The following BCL2L11 variants were observed in gnomAD, a reference collection of about 807,000 sequenced individuals.
The protein encoded by BCL2L11 is bcl-2-like protein 11.
Under a neutral mutation model 20.6 loss-of-function variants are expected in BCL2L11, and 15 were observed. The observed-to-expected ratio is 0.73, with a 90% CI of 0.49 to 1.12. The LOEUF is 1.12. BCL2L11 is among the 50% of genes most tolerant of loss of function. BCL2L11 has a pLI of 0.00. For missense variants in BCL2L11, 292 were observed against 260.9 expected, an observed-to-expected ratio of 1.12 and a Z score of -0.82; for synonymous variants, 108 against 92.8, an observed-to-expected ratio of 1.16 and a Z score of -0.94.
chr2:111,125,459 G>A (rs2072371314), intron 2 of BCL2L11, among the ~76,000 whole-genome samples: 1 of 152,204 alleles, frequency 6.6e-6, no homozygotes, highest in South Asian at 2.1e-4. Context: ...AGTTGGTAGA[G>A]TTATCAATTA....
intron 1 of BCL2L11, chr2:111,123,327 C>T (rs1374918459): frequency 1.5e-5 from 15 of 985,390 alleles, no homozygotes; most frequent in Non-Finnish European, 1.8e-5. Flanking sequence ...CGCCTGCAAT[C>T]GCTGCATCTG....
chr2:111,167,900 A>T lies in BCL2L11; in HGVS notation c.*3669A>T, dbSNP rs1263507275. 1 of 152,612 alleles carries T rather than the reference A, an allele frequency of 6.6e-6. No homozygotes were observed. The highest frequency in any genetic ancestry group is 1.5e-5 in the Non-Finnish European group (1 of 68,064). The allele number at this position is 152,612 out of a possible 1,614,324, so 9.5% of individuals were successfully genotyped here. On this transcript the variant is annotated 3_prime_UTR_variant, in exon 4 of 4. Transcript: ENST00000393256. ...GGGCCCCACTGGACTGGGTGTCAAG[A>T]TGTGAAAGCTTATGGGAGCTTTAAG...
In BCL2L11 at chr2:111,166,597, C is replaced by T. The variant is rs1198605526; in HGVS notation, c.*2366C>T. ...TTTTTGTAGAAAAAATAATTAAATC[C>T]CCTTTTTGGAAACTTACTGCAGGTT... On this transcript the variant is annotated 3_prime_UTR_variant, in exon 4 of 4. Coordinates refer to ENST00000393256, the MANE Select transcript of BCL2L11 (RefSeq NM_138621.5). 2 of 152,516 alleles carry T rather than the reference C, an allele frequency of 1.3e-5. No homozygotes were observed. Among genetic ancestry groups the T allele is most frequent in the Admixed American group, 1.3e-4 (2 of 15,278 alleles). The allele number at this position is 152,516 out of a possible 1,614,324, so 9.4% of individuals were successfully genotyped here.
chr2:111,136,218 T>A (rs945968026), intron 2 of BCL2L11, among the ~76,000 whole-genome samples: 2 of 152,188 alleles, frequency 1.3e-5, no homozygotes, highest in African/African-American at 4.8e-5. Flanking sequence ...TATCTACGCC[T>A]CTTGGAAAGG....
At chr2:111,141,700 G>GT (rs113902453) in intron 2 of BCL2L11, among the ~76,000 whole-genome samples, 198 of 138,278 alleles carry the variant, frequency 1.4e-3, no homozygotes, top group South Asian at 3.9e-3. Context: ...ATTCTTGTGA[G>GT]TTTTTTTTTT....
chr2:111,122,659 T>C (rs1403235839), intron 1 of BCL2L11: 1 of 983,098 alleles, frequency 1.0e-6, no homozygotes, highest in Non-Finnish European at 1.2e-6. Context: ...CGGAGGATGT[T>C]CCCGGCGGCT....
At chr2:111,157,556 G>T (rs1175627495) in intron 3 of BCL2L11, among the ~76,000 whole-genome samples, 2 of 152,102 alleles carry the variant, frequency 1.3e-5, no homozygotes, top group African/African-American at 4.8e-5. Flanking sequence ...GAACAGTGAC[G>T]ATTTCAGAAG....
In BCL2L11 at chr2:111,132,437, A is replaced by C. The variant is rs999396297; in HGVS notation, c.394+8298A>C. ...CTCAAAAATAATGGTTAGGGCTAGA[A>C]TCTGTTAACAGGTATTGTAGTTTTC... is the stretch of plus-strand genomic sequence containing the variant. On this transcript the variant is annotated intron_variant, in intron 2 of 3. Transcript: ENST00000393256. Among the ~76,000 whole-genome samples, 96 of 152,202 alleles carry C rather than the reference A, an allele frequency of 6.3e-4. 9 individuals are homozygous for C. Among genetic ancestry groups the C allele is most frequent in the Non-Finnish European group, 2.9e-5 (2 of 68,024 alleles).
In BCL2L11 at chr2:111,123,845, A is replaced by C. The variant is rs151214891; in HGVS notation, c.100A>C (p.Thr34Pro). Residue 34 changes from threonine (T) to proline (P), a missense_variant, in exon 2 of 4, where the codon ACC (threonine) becomes CCC (proline). Thr to Pro is a conservative substitution (Grantham distance 38, BLOSUM62 -1). Coordinates refer to ENST00000393256, the MANE Select transcript of BCL2L11 (RefSeq NM_138621.5). The stretch of plus-strand genomic sequence containing the variant: ...TCCCCAGCTCAGACCTGGGGCCCCT[A>C]CCTCCCTACAGACAGAGCCACAAGG... ...RPPQLRPGAP[T>P]SLQTEPQGNP... 3.2e-6 allele frequency: 5 copies of C among 1,568,040 alleles called. No individual in the cohort carries two copies. Among genetic ancestry groups the C allele is most frequent in the African/African-American group, 1.4e-5 (1 of 73,094 alleles).
chr2:111,123,710 C>A, intron 1 of BCL2L11, 23 bp from the exon 2 acceptor site: 1 of 1,384,760 alleles, frequency 7.2e-7, no homozygotes, highest in South Asian at 2.1e-5. Flanking sequence ...TTAAAATAAT[C>A]TTAGTTTTTA....
intron 2 of BCL2L11, among the ~76,000 whole-genome samples, chr2:111,140,715 A>G (rs1390744628): frequency 6.6e-6 from 1 of 152,226 alleles, no homozygotes. Context: ...CAATGTTAGT[A>G]TATATGTGAG....
Position 111,164,756 on chromosome 2 carries a change from C to T in BCL2L11, c.*525C>T, listed in dbSNP as rs1227615574. The T allele has an allele frequency of 6.5e-6, 1 of 152,926 alleles. No individual in the cohort carries two copies. The highest frequency in any genetic ancestry group is 1.5e-5 in the Non-Finnish European group (1 of 68,310). The allele number at this position is 152,926 out of a possible 1,614,324, so 9.5% of individuals were successfully genotyped here. ...AAACAGGGAGACGTGTGATATACTC[C>T]CTCCCTTCCCTACTATTGCCTCTCT... On this transcript the variant is annotated 3_prime_UTR_variant, in exon 4 of 4. Coordinates refer to ENST00000393256, the MANE Select transcript of BCL2L11 (RefSeq NM_138621.5).
intron 3 of BCL2L11, 33 bp downstream of exon 3, chr2:111,150,180 C>T: frequency 6.2e-7 from 1 of 1,606,798 alleles, no homozygotes; most frequent in South Asian, 1.1e-5. Flanking sequence ...CTTTTCTGCT[C>T]ACACCCTCCC....
chr2:111,134,419 G>C (rs1050427513), intron 2 of BCL2L11, among the ~76,000 whole-genome samples: 2 of 152,074 alleles, frequency 1.3e-5, no homozygotes, highest in Non-Finnish European at 1.5e-5. Flanking sequence ...TTTATGATGG[G>C]AGCTGAAGAG....
rs528923689 is a variant in BCL2L11 at position 111,142,087 on chromosome 2, A to G, written c.395-7957A>G. Among the ~76,000 whole-genome samples the G allele has an allele frequency of 5.3e-5, 8 of 152,284 alleles. No individual in the cohort carries two copies. The South Asian group carries it at 1.7e-3, about 32-fold the overall frequency. ...TGGGCAGCAGCCGTGTCTGCCCTGG[A>G]AAGTGGGGGCATCAGGGAGGAGGAG... On this transcript the variant is annotated intron_variant, in intron 2 of 3. Coordinates refer to ENST00000393256, the MANE Select transcript of BCL2L11 (RefSeq NM_138621.5).
At chr2:111,122,669 T>C in intron 1 of BCL2L11, 1 of 983,302 alleles carries the variant, frequency 1.0e-6, no homozygotes, top group Non-Finnish European at 1.2e-6. Flanking sequence ...TCCCGGCGGC[T>C]GCGGCCGGGG....
Position 111,121,140 on chromosome 2 carries a change from C to T in BCL2L11, c.-62C>T. ...ACCGCCTCGGCGCCCTTTCTTGGCC[C>T]TTGTTCCCCCAAATGTCTGACTCTG... On this transcript the variant is annotated 5_prime_UTR_variant, in exon 1 of 4. Coordinates refer to ENST00000393256, the MANE Select transcript of BCL2L11 (RefSeq NM_138621.5). 1 of 266,136 alleles carries T rather than the reference C, an allele frequency of 3.8e-6. No individual in the cohort carries two copies. The highest frequency in any genetic ancestry group is 7.1e-6 in the Non-Finnish European group (1 of 140,778). The allele number at this position is 266,136 out of a possible 1,614,324, so 16.5% of individuals were successfully genotyped here. A position where few individuals can be genotyped will look rare whatever the true frequency, so the allele number is the denominator to read the frequency against.
intron 1 of BCL2L11, among the ~76,000 whole-genome samples, chr2:111,122,412 G>C (rs983197185): frequency 2.0e-5 from 3 of 152,156 alleles, no homozygotes; most frequent in African/African-American, 7.2e-5. Flanking sequence ...CCGACGAAGC[G>C]GCAGCCGCCA....
chr2:111,153,934 T>A (rs539376669), intron 3 of BCL2L11: 1 of 1,500,514 alleles, frequency 6.7e-7, no homozygotes, highest in South Asian at 1.3e-5. Context: ...GCATGTCCCC[T>A]CTTCTCTCCC....
Sources: allele counts gnomAD v4.1 joint callset (sites outside exome capture counted in the v4.1 genomes callset), GRCh38; gene constraint gnomAD v4.1.1; transcripts MANE v1.5; gene names NCBI Gene and HGNC (gene_info 2026-07-23, HGNC 2026-07-21).